EXPH5: variants seen among roughly 807,000 people sequenced by gnomAD.
The protein encoded by EXPH5 is exophilin-5.
In EXPH5, 42 loss-of-function variants were observed where a neutral mutation model predicts 41.1. The observed-to-expected ratio is 1.02, with a 90% confidence interval of 0.80 to 1.32. EXPH5 has a LOEUF of 1.32. Ranked by LOEUF, EXPH5 falls within the 40% of genes most tolerant of loss-of-function variation. The pLI is 0.00. For missense variants in EXPH5, 2,298 were observed against 2,314.5 expected, an observed-to-expected ratio of 0.99 and a Z score of 0.15; for synonymous variants, 798 against 833.5, an observed-to-expected ratio of 0.96 and a Z score of 0.73.
rs2093643365 is a variant in EXPH5, at chr11:108,506,210, A to T, written c.*3327T>A. On this transcript the variant is annotated 3_prime_UTR_variant, in exon 6 of 6. Coordinates refer to ENST00000265843, the MANE Select transcript of EXPH5 (RefSeq NM_015065.3). ...AAAAATGACTATTATAAGTTACCAT[A>T]GCTATACCAAAAATGAACATTAAAA... 1 of 152,238 alleles carries T rather than the reference A, an allele frequency of 6.6e-6. No homozygotes were observed. Among genetic ancestry groups the T allele is most frequent in the Non-Finnish European group, 1.5e-5 (1 of 68,046 alleles). The allele number at this position is 152,238 out of a possible 1,614,324, so 9.4% of individuals were successfully genotyped here.
At chr11:108,566,458 T>C (rs2094034989) in intron 1 of EXPH5, among the ~76,000 whole-genome samples, 1 of 152,156 alleles carries the variant, frequency 6.6e-6, no homozygotes, top group Non-Finnish European at 1.5e-5. Context: ...GGTTACAAAG[T>C]TTTTATTTGC....
At chr11:108,580,541 G>A (rs1450043125) in intron 1 of EXPH5, among the ~76,000 whole-genome samples, 2 of 152,134 alleles carry the variant, frequency 1.3e-5, no homozygotes, top group African/African-American at 2.4e-5. Context: ...ATATGATCCA[G>A]CAATTCCACT....
chr11:108,515,794 C>T (rs1015212454), intron 5 of EXPH5, among the ~76,000 whole-genome samples: 27 of 152,082 alleles, frequency 1.8e-4, no homozygotes, highest in Non-Finnish European at 2.6e-4. Flanking sequence ...ACTTTTGGGC[C>T]GGGCACGGTG....
chr11:108,531,026 TA>T (rs746098959), intron 3 of EXPH5, among the ~76,000 whole-genome samples: 25 of 152,178 alleles, frequency 1.6e-4, no homozygotes, highest in Non-Finnish European at 2.8e-4. Context: ...ACTATGCTGG[TA>T]AAAGGCCCCT....
At chr11:108,570,318 A>C (rs1025256526) in intron 1 of EXPH5, among the ~76,000 whole-genome samples, 4 of 151,984 alleles carry the variant, frequency 2.6e-5, no homozygotes, top group African/African-American at 9.7e-5. Flanking sequence ...GCAGTGGTAC[A>C]ATCTTGGCTC....
rs752200991 is a variant in EXPH5 at position 108,509,710 on chromosome 11, A to G, written c.5797T>C (p.Ser1933Pro). 3.7e-6 allele frequency: 6 copies of G among 1,608,616 alleles called. No homozygotes were observed. The African/African-American group carries it at 8.1e-5, about 22-fold the overall frequency. The part of the protein sequence containing the change: ...KDDLRNPPNP[S>P]ESLSSNSPSS... Reference sequence around the variant, plus strand: ...GGAGAATTTGAGCTTAATGACTCTGAGGGGTTGGGAGGGTTCCTCAAATCA... The same window carrying G: ...GGAGAATTTGAGCTTAATGACTCTGGGGGGTTGGGAGGGTTCCTCAAATCA... The change falls in exon 6 of 6, where the codon TCA becomes CCA. Residue 1933 changes from serine to proline, a missense_variant. Transcript: ENST00000265843.
chr11:108,549,250 TC>T (rs1473174100), intron 1 of EXPH5, among the ~76,000 whole-genome samples: 3 of 152,252 alleles, frequency 2.0e-5, no homozygotes, highest in African/African-American at 4.8e-5. Context: ...TCAGGTCTTT[TC>T]TTGCTAGGCC....
intron 1 of EXPH5, among the ~76,000 whole-genome samples, chr11:108,548,634 G>A (rs1318982719): frequency 6.6e-6 from 1 of 152,162 alleles, no homozygotes; most frequent in Non-Finnish European, 1.5e-5. Context: ...TTTGATGTAA[G>A]GGTGACCCAG....
chr11:108,541,568 A>T, intron 2 of EXPH5, 84 bp downstream of exon 2: 1 of 829,240 alleles, frequency 1.2e-6, no homozygotes, highest in Non-Finnish European at 1.9e-6. Context: ...GATTGGTTAC[A>T]TTGGAGATCC....
At chr11:108,561,788 T>C (rs2094012739) in intron 1 of EXPH5, among the ~76,000 whole-genome samples, 1 of 152,160 alleles carries the variant, frequency 6.6e-6, no homozygotes, top group East Asian at 1.9e-4. Flanking sequence ...GAGAAGGTAT[T>C]GAGCAGTACC....
chr11:108,585,143 TA>T, intron 1 of EXPH5, among the ~76,000 whole-genome samples: 1 of 152,232 alleles, frequency 6.6e-6, no homozygotes, highest in East Asian at 1.9e-4. Context: ...AGTAAGCACA[TA>T]AAAAGATGTT....
At chr11:108,565,011 T>C (rs12271879) in intron 1 of EXPH5, among the ~76,000 whole-genome samples, 3,682 of 149,882 alleles carry the variant, frequency 0.025, 143 homozygotes, top group African/African-American at 0.081. Flanking sequence ...GTTGAAGCTA[T>C]TCTCCTGCCT....
intron 1 of EXPH5, among the ~76,000 whole-genome samples, chr11:108,588,901 A>G (rs1443432826): frequency 6.6e-6 from 1 of 152,236 alleles, no homozygotes; most frequent in Non-Finnish European, 1.5e-5. Context: ...AGGAAAATGT[A>G]TCTGAGAGGA....
chr11:108,562,448 A>G (rs2094016922), intron 1 of EXPH5, among the ~76,000 whole-genome samples: 1 of 151,834 alleles, frequency 6.6e-6, no homozygotes, highest in Non-Finnish European at 1.5e-5. Flanking sequence ...ACAAAAAAAA[A>G]GAATACAAAA....
chr11:108,596,435 A>G (rs1004972262), upstream of EXPH5, among the ~76,000 whole-genome samples: 10 of 152,226 alleles, frequency 6.6e-5, no homozygotes, highest in Admixed American at 1.3e-4. Flanking sequence ...AAGATGATGC[A>G]AGATCTCAAG....
chr11:108,538,244 G>T (rs2093892031), intron 3 of EXPH5: 1 of 985,302 alleles, frequency 1.0e-6, no homozygotes, highest in Admixed American at 6.2e-5. Flanking sequence ...ACGGCACGCG[G>T]AACATATCAC....
rs1234091671 is a variant in EXPH5 at position 108,518,334 on chromosome 11, C to T, written c.532G>A (p.Val178Ile). 1 of 1,614,012 alleles carries T rather than the reference C, an allele frequency of 6.2e-7. No homozygotes were observed. Among genetic ancestry groups the T allele is most frequent in the Non-Finnish European group, 8.5e-7 (1 of 1,179,952 alleles). Residue 178 changes from valine (V) to isoleucine (I), a missense_variant, in exon 5 of 6, where the codon GTT becomes ATT. Coordinates refer to ENST00000265843, the MANE Select transcript of EXPH5 (RefSeq NM_015065.3). The stretch of plus-strand genomic sequence containing the variant: ...GGCTTTGGGACAAATGTACTGTCAA[C>T]TAGATGATTTTCCAGAGGTGAATTG... Reference protein sequence around the residue: ...IYNSPLENHLVDSTFVPKPAV... With the variant: ...IYNSPLENHLIDSTFVPKPAV...
rs151162276 is a variant in EXPH5, at chr11:108,536,034, A to G, written c.443+2990T>C. 1.8e-4 allele frequency among the ~76,000 whole-genome samples: 27 copies of G among 152,360 alleles called. No individual in the cohort carries two copies. The East Asian group carries it at 4.8e-3, about 27-fold the overall frequency. On this transcript the variant is annotated intron_variant, in intron 3 of 5. Transcript: ENST00000265843. ...AGATACCCTAGAACAAGATCCGTGC[A>G]AACATGACTTGCAGGAAGATGTTGA...
rs1444746591 is a variant in EXPH5, at chr11:108,505,481, A to C, written c.*4056T>G. 1.3e-5 allele frequency: 2 copies of C among 152,238 alleles called. No homozygotes were observed. The highest frequency in any genetic ancestry group is 2.9e-5 in the Non-Finnish European group (2 of 68,038). The allele number at this position is 152,238 out of a possible 1,614,324, so 9.4% of individuals were successfully genotyped here. On this transcript the variant is annotated 3_prime_UTR_variant, in exon 6 of 6. Coordinates refer to ENST00000265843, the MANE Select transcript of EXPH5 (RefSeq NM_015065.3). ...AATACAGGCATTGTTTTAAATTTGC[A>C]CCTTGTCTTTAACACATTTCATAAC...
Sources: allele counts gnomAD v4.1 joint callset (sites outside exome capture counted in the v4.1 genomes callset), GRCh38; gene constraint gnomAD v4.1.1; transcripts MANE v1.5; gene names NCBI Gene and HGNC (gene_info 2026-07-23, HGNC 2026-07-21).